Variants in ADD2 observed in about 807,000 individuals in gnomAD.
ADD2 encodes beta-adducin.
ADD2 carries 23 observed loss-of-function variants against 83.0 expected under a neutral mutation model. The observed-to-expected ratio is 0.28, with a 90% CI of 0.20 to 0.39. ADD2 has a LOEUF of 0.39. ADD2 is among the 10% of genes least tolerant of loss of function. ADD2 has a pLI of 1.00. For synonymous variants in ADD2, 375 were observed against 375.4 expected (o/e 1.00, Z 0.01); for missense variants, 758 against 944.9 (o/e 0.80, Z 2.59).
chr2:70,741,274 A>C (rs1553381070), intron 1 of ADD2: 1 of 152,204 alleles, frequency 6.6e-6, no homozygotes, highest in Non-Finnish European at 1.5e-5. Context: ...ATGATCAATA[A>C]ATTTTGAGAA....
At chr2:70,696,124 A>G (rs1671294720) in intron 5 of ADD2, 121 bp downstream of exon 5, 2 of 1,330,376 alleles carry the variant, frequency 1.5e-6, no homozygotes, top group South Asian at 1.4e-5. Context: ...GGAAGGGTTC[A>G]GTGCATTTTA....
chr2:70,691,104 T>C (rs562109992), intron 7 of ADD2, among the ~76,000 whole-genome samples, 175 bp from the exon 8 acceptor site: 3 of 152,318 alleles, frequency 2.0e-5, no homozygotes, highest in South Asian at 2.1e-4. Flanking sequence ...GGCTTGGGCG[T>C]TGTGTCACGC....
intron 2 of ADD2, among the ~76,000 whole-genome samples, chr2:70,712,244 G>A (rs1336445620): frequency 6.6e-6 from 1 of 152,000 alleles, no homozygotes; most frequent in Admixed American, 6.6e-5. Flanking sequence ...AGGAGTTCAA[G>A]ACCAGCCTGG....
chr2:70,706,499 G>T lies in ADD2; in HGVS notation c.-34-57C>A. 1 of 1,449,974 alleles carries T rather than the reference G, an allele frequency of 6.9e-7. No homozygotes were observed. The highest frequency in any genetic ancestry group is 9.3e-7 in the Non-Finnish European group (1 of 1,077,656). 89.8% of individuals were successfully genotyped at this position (1,449,974 alleles called of 1,614,324 possible). On this transcript the variant is annotated intron_variant, in intron 2 of 15. Transcript: ENST00000264436. This position sits in a 1 kb window ranked among gnomAD's most constrained non-coding sequence, Gnocchi z 5.0. ...GTTGGTGCTCCCCATCGGGGTACAC[G>T]TTTCTCAGAGCACAGGGCTAGGTTC...
Position 70,731,703 on chromosome 2 carries a change from G to A in ADD2, c.-153-18519C>T, listed in dbSNP as rs189941536. On this transcript the variant is annotated intron_variant, in intron 1 of 15. Transcript: ENST00000264436. ...TCATGTGTGGCTGCACAGATCTCTT[G>A]CTGGAGTTATAAATGGGCTGCTGGA... Among the ~76,000 whole-genome samples the A allele has an allele frequency of 2.1e-3, 322 of 152,318 alleles. 2 individuals are homozygous for A. The highest frequency in any genetic ancestry group is 7.4e-3 in the African/African-American group (308 of 41,566).
intron 10 of ADD2, among the ~76,000 whole-genome samples, chr2:70,682,745 A>G (rs1310657254): frequency 1.3e-5 from 2 of 152,192 alleles, no homozygotes; most frequent in African/African-American, 4.8e-5. Flanking sequence ...AGAAGAAGAA[A>G]GAATGTCTTA....
intron 1 of ADD2, 63 bp from the exon 2 acceptor site, chr2:70,713,247 TAA>T (rs1487381506): frequency 1.5e-6 from 1 of 665,200 alleles, no homozygotes; most frequent in Non-Finnish European, 1.9e-6. Flanking sequence ...ACCTGATTTA[TAA>T]GAGCTTCTGG....
intron 4 of ADD2, 58 bp downstream of exon 4, chr2:70,704,263 T>TGCCCCACCC: frequency 1.1e-6 from 1 of 913,238 alleles, no homozygotes; most frequent in Non-Finnish European, 1.7e-6. Context: ...CTCCCTCTCT[T>TGCCCCACCC]CCCCACCCCA....
chr2:70,761,616 A>C (rs1263609438), intron 1 of ADD2, among the ~76,000 whole-genome samples: 2 of 149,462 alleles, frequency 1.3e-5, no homozygotes. Flanking sequence ...AAAAGGAAGG[A>C]AGGAAGGAAT....
At chr2:70,717,417 A>G (rs1448590066) in intron 1 of ADD2, among the ~76,000 whole-genome samples, 2 of 152,160 alleles carry the variant, frequency 1.3e-5, no homozygotes, top group African/African-American at 2.4e-5. Flanking sequence ...ATGTGCCCTA[A>G]GCAGAGGCAG....
chr2:70,688,540 T>C (rs1553370950), intron 8 of ADD2, among the ~76,000 whole-genome samples: 1 of 152,256 alleles, frequency 6.6e-6, no homozygotes. Flanking sequence ...AGTTGTTTGC[T>C]ATCCAATACA....
At chr2:70,748,321 A>G (rs1553382397) in intron 1 of ADD2, among the ~76,000 whole-genome samples, 1 of 150,010 alleles carries the variant, frequency 6.7e-6, no homozygotes, top group South Asian at 2.1e-4. Context: ...CCTTTTTTGG[A>G]ATCTATTCTG....
At chr2:70,692,673 G>A (rs1179372890) in intron 6 of ADD2, 121 bp from the exon 7 acceptor site, 8 of 1,094,290 alleles carry the variant, frequency 7.3e-6, no homozygotes, top group Non-Finnish European at 1.0e-5. Context: ...GACACCATGA[G>A]CAATGACGGA....
rs1553370044 is a variant in ADD2 at position 70,683,752 on chromosome 2, T to C, written c.964A>G (p.Ser322Gly). ...ACEIQVSALS[S>G]AGGVENLILL... ...ATGAGGTTCTCCACTCCCCCGGCAC[T>C]GGACAGAGCCGACACCTGTAGCAAA... is the stretch of plus-strand genomic sequence containing the variant. The change falls in exon 10 of 16, where the codon AGT (serine) becomes GGT (glycine). Residue 322 changes from serine to glycine, a missense_variant. Ser to Gly is a moderately conservative substitution (Grantham distance 56). Around this residue, in one of 5 missense-constraint regions of ADD2, gnomAD observed 394 missense variants for 509.3 expected, o/e 0.77. Coordinates refer to ENST00000264436, the MANE Select transcript of ADD2 (RefSeq NM_001617.4). 6.2e-7 allele frequency: 1 copy of C among 1,612,292 alleles called. No individual in the cohort carries two copies.
At position 70,690,898 on chromosome 2, in the gene ADD2, A is replaced by G. The variant is rs548832796; in HGVS notation, c.737T>C (p.Val246Ala). 9.9e-6 allele frequency: 16 copies of G among 1,613,686 alleles called. 1 individual carries two copies. In the Admixed American group the frequency reaches 1.3e-4, roughly 13 times the overall value. Residue 246 changes from valine (V) to alanine (A), a missense_variant, in exon 8 of 16, where the codon GTC (valine) becomes GCC (alanine). Transcript: ENST00000264436. ...CCCCACCAGCAGGGCATTGTGGGAG[A>G]CAGGCAGGAGGCCCCACTTCATGGC... Reference protein sequence around the residue: ...VSAMKWGLLPVSHNALLVGDM... With the variant: ...VSAMKWGLLPASHNALLVGDM...
chr2:70,715,982 C>T (rs1326038566), intron 1 of ADD2, among the ~76,000 whole-genome samples: 1 of 152,188 alleles, frequency 6.6e-6, no homozygotes, highest in African/African-American at 2.4e-5. Context: ...CACTGCCCTG[C>T]TAAAAATCCA....
At chr2:70,713,281 G>T in intron 1 of ADD2, 97 bp from the exon 2 acceptor site, 1 of 472,558 alleles carries the variant, frequency 2.1e-6, no homozygotes, top group South Asian at 9.0e-5. Flanking sequence ...AAATGAACTT[G>T]AAATGAATTT....
At chr2:70,699,271 C>G (rs1553373186) in intron 4 of ADD2, among the ~76,000 whole-genome samples, 1 of 152,198 alleles carries the variant, frequency 6.6e-6, no homozygotes, top group East Asian at 1.9e-4. Flanking sequence ...CATGTGAGTA[C>G]TCACTGATTA....
chr2:70,675,474 C>A, intron 13 of ADD2: 5 of 985,458 alleles, frequency 5.1e-6, no homozygotes, highest in Non-Finnish European at 6.0e-6. Flanking sequence ...TCTGTGGAGC[C>A]CGTGGTTCTA....
Sources: gnomAD v4.1 joint callset for allele counts (sites outside exome capture counted in the v4.1 genomes callset) on GRCh38, gnomAD v4.1.1 for gene constraint, gnomAD v4.1.1 regional missense constraint, Gnocchi (gnomAD v3.1) non-coding constraint, MANE v1.5 for transcripts, NCBI Gene and HGNC (gene_info 2026-07-23, HGNC 2026-07-21) for gene names.